Variants in SCN11A observed in about 807,000 individuals in gnomAD.
SCN11A encodes the protein sodium voltage-gated channel alpha subunit 11.
A neutral mutation model predicts 162.2 loss-of-function variants in SCN11A; 122 were observed. The observed-to-expected ratio is 0.75, with a 90% confidence interval of 0.65 to 0.87. The LOEUF (loss-of-function observed/expected upper bound fraction) is 0.87, where lower values mean the gene tolerates loss of function less well. Among genes scored for constraint, SCN11A ranks in the 40% least tolerant of loss-of-function variants. The probability of loss-of-function intolerance (pLI) is 0.00; values close to 1 mark genes in which losing one functional copy is unlikely to be tolerated. For synonymous variants in SCN11A, 758 were observed against 751.5 expected (o/e 1.01, Z -0.14); for missense variants, 2,015 against 2,181.6 (o/e 0.92, Z 1.52).
intron 1 of SCN11A, among the ~76,000 whole-genome samples, chr3:39,047,261 A>G (rs2032208186): frequency 6.6e-6 from 1 of 151,826 alleles, no homozygotes; most frequent in Admixed American, 6.6e-5. Context: ...CAAAGGCCCT[A>G]TAACATATTG....
In SCN11A at chr3:39,008,831, A is replaced by G. The variant is rs548093781; in HGVS notation, c.-280+23549T>C. On this transcript the variant is annotated intron_variant, in intron 2 of 29. Coordinates refer to ENST00000302328, the MANE Select transcript of SCN11A (RefSeq NM_001349253.2). The stretch of plus-strand genomic sequence containing the variant: ...CCAGGAGGCAGAGTTGCAGTGAGCC[A>G]AGATTGTACCATTGCATTCCAGCCT... 2.0e-4 allele frequency among the ~76,000 whole-genome samples: 30 copies of G among 151,924 alleles called. No individual in the cohort carries two copies. In the South Asian group the frequency reaches 5.6e-3, roughly 29 times the overall value.
chr3:39,046,559 G>A (rs1302565692), intron 1 of SCN11A, among the ~76,000 whole-genome samples: 2 of 152,010 alleles, frequency 1.3e-5, no homozygotes, highest in East Asian at 3.9e-4. Flanking sequence ...AATAGCCAAA[G>A]CAATCCTGAG....
chr3:38,991,869 T>C (rs995316097), intron 2 of SCN11A, among the ~76,000 whole-genome samples: 2 of 152,118 alleles, frequency 1.3e-5, no homozygotes, highest in African/African-American at 2.4e-5. Flanking sequence ...AGTGCAGTGG[T>C]GTGATCTTGG....
chr3:39,041,142 CCAGT>C (rs2032041741), intron 1 of SCN11A, among the ~76,000 whole-genome samples: 1 of 151,788 alleles, frequency 6.6e-6, no homozygotes, highest in Non-Finnish European at 1.5e-5. Context: ...TTGAAATAAC[CCAGT>C]CAGACTAAAA....
intron 2 of SCN11A, among the ~76,000 whole-genome samples, chr3:38,963,386 TGATGGAG>T (rs1245680657): frequency 3.8e-3 from 240 of 62,642 alleles, no homozygotes; most frequent in African/African-American, 5.3e-3. Context: ...TATATATATA[TGATGGAG>T]ATATATATAT....
intron 27 of SCN11A, 104 bp from the exon 28 acceptor site, chr3:38,863,403 A>G: frequency 1.6e-6 from 1 of 627,580 alleles, no homozygotes. Flanking sequence ...TTCTATTAAC[A>G]ATTCTTAAAA....
intron 7 of SCN11A, among the ~76,000 whole-genome samples, chr3:38,943,841 G>A (rs2066476276): frequency 6.6e-6 from 1 of 152,194 alleles, no homozygotes; most frequent in East Asian, 1.9e-4. Context: ...GGAATGGAGA[G>A]AAGTTGATTA....
At chr3:38,995,638 T>A (rs561506147) in intron 2 of SCN11A, among the ~76,000 whole-genome samples, 1 of 152,124 alleles carries the variant, frequency 6.6e-6, no homozygotes, top group South Asian at 2.1e-4. Context: ...ATTCTCCTGC[T>A]CTTGGACTAG....
chr3:39,040,676 ATAT>A, intron 1 of SCN11A, among the ~76,000 whole-genome samples: 1 of 152,346 alleles, frequency 6.6e-6, no homozygotes, highest in East Asian at 1.9e-4. Flanking sequence ...AAAGAAACAT[ATAT>A]TATTTTTTTA....
At chr3:38,895,058 CAG>C (rs2065574027) in intron 18 of SCN11A, 94 bp from the exon 19 acceptor site, 3 of 1,169,132 alleles carry the variant, frequency 2.6e-6, no homozygotes, top group Non-Finnish European at 3.6e-6. Flanking sequence ...AGACTAAAAA[CAG>C]AATCAAATTA....
At position 38,854,580 on chromosome 3, in the gene SCN11A, C is replaced by G. The variant is rs570689540; in HGVS notation, c.4057-3829G>C. Among the ~76,000 whole-genome samples the G allele has an allele frequency of 2.0e-5, 3 of 152,280 alleles. No homozygotes were observed. The East Asian group carries it at 5.8e-4, about 29-fold the overall frequency. On this transcript the variant is annotated intron_variant, in intron 28 of 29. Transcript: ENST00000302328. ...TTCAAGAACCACCGCAGGAACGTAA[C>G]AGGAAAACCAGAAGAATTCACAGAT...
chr3:38,852,687 C>T (rs2064802561), intron 28 of SCN11A, among the ~76,000 whole-genome samples: 2 of 152,146 alleles, frequency 1.3e-5, no homozygotes, highest in South Asian at 4.1e-4. Context: ...GCTATGTTTT[C>T]CACCTATGCA....
At chr3:39,050,422 G>C (rs1437639801) in intron 1 of SCN11A, among the ~76,000 whole-genome samples, 1 of 152,132 alleles carries the variant, frequency 6.6e-6, no homozygotes, top group Non-Finnish European at 1.5e-5. Flanking sequence ...ATAGTGCCTG[G>C]CATATATGAT....
chr3:38,923,652 A>T (rs1330755549), intron 9 of SCN11A, among the ~76,000 whole-genome samples: 1 of 152,146 alleles, frequency 6.6e-6, no homozygotes, highest in African/African-American at 2.4e-5. Flanking sequence ...TACCAACTCC[A>T]CTACCACTAC....
At chr3:38,979,308 C>T (rs917660005) in intron 2 of SCN11A, among the ~76,000 whole-genome samples, 1 of 152,184 alleles carries the variant, frequency 6.6e-6, no homozygotes, top group Non-Finnish European at 1.5e-5. Flanking sequence ...TTTTTCTTCC[C>T]TAATCAACAC....
intron 19 of SCN11A, among the ~76,000 whole-genome samples, chr3:38,887,658 A>T (rs112817439): frequency 1.2e-4 from 18 of 152,368 alleles, no homozygotes; most frequent in African/African-American, 4.1e-4. Context: ...ATTGAAGAGT[A>T]GAATGGGTCT....
At chr3:39,032,668 T>C (rs2031790588) in intron 1 of SCN11A, among the ~76,000 whole-genome samples, 165 bp from the exon 2 acceptor site, 1 of 152,212 alleles carries the variant, frequency 6.6e-6, no homozygotes, top group Non-Finnish European at 1.5e-5. Flanking sequence ...TATGAGACAG[T>C]TGACTCTAGG....
chr3:38,955,125 C>T (rs2066666323), intron 3 of SCN11A, among the ~76,000 whole-genome samples: 1 of 152,190 alleles, frequency 6.6e-6, no homozygotes, highest in Non-Finnish European at 1.5e-5. Context: ...CCCATCTCTA[C>T]TAAAAATGAA....
chr3:38,883,184 C>A lies in SCN11A; in HGVS notation c.3219+49G>T, dbSNP rs1245673106. ...GAGAAGCCAAGTCAGAGTGCAGCTTCCCCAGCTGCCCTGATGCCCAATGTC... is the reference window on the plus strand; with the variant it reads ...GAGAAGCCAAGTCAGAGTGCAGCTTACCCAGCTGCCCTGATGCCCAATGTC... On this transcript the variant is annotated intron_variant, in intron 22 of 29. Coordinates refer to ENST00000302328, the MANE Select transcript of SCN11A (RefSeq NM_001349253.2). The A allele has an allele frequency of 3.9e-6, 6 of 1,531,552 alleles. No homozygotes were observed. The South Asian group carries it at 6.0e-5, about 15-fold the overall frequency. The allele number at this position is 1,531,552 out of a possible 1,614,324, so 94.9% of individuals were successfully genotyped here. A position where few individuals can be genotyped will look rare whatever the true frequency, so the allele number is the denominator to read the frequency against.
Sources: gnomAD v4.1 joint callset for allele counts (sites outside exome capture counted in the v4.1 genomes callset) on GRCh38, gnomAD v4.1.1 for gene constraint, MANE v1.5 for transcripts, NCBI Gene and HGNC (gene_info 2026-07-23, HGNC 2026-07-21) for gene names.